CADM2: variants seen among roughly 807,000 people sequenced by gnomAD.
The protein encoded by CADM2 is immunoglobulin superfamily member 4D.
Under a neutral mutation model 49.8 loss-of-function variants are expected in CADM2, and 12 were observed. The observed-to-expected ratio is 0.24, with a 90% confidence interval of 0.15 to 0.39. The LOEUF is 0.39. Ranked by LOEUF, CADM2 falls within the 10% of genes least tolerant of loss-of-function variation. The pLI, the probability that CADM2 is intolerant of heterozygous loss-of-function variation, is 1.00. For synonymous variants in CADM2, 214 were observed against 175.4 expected (o/e 1.22, Z -1.74); for missense variants, 378 against 492.3 (o/e 0.77, Z 2.20).
chr3:84,962,124 A>G (rs977407162), intron 1 of CADM2, among the ~76,000 whole-genome samples: 1 of 150,038 alleles, frequency 6.7e-6, no homozygotes, highest in Admixed American at 6.7e-5. Context: ...ACCAGCAGCA[A>G]CACCAGCATT....
intron 1 of CADM2, among the ~76,000 whole-genome samples, chr3:85,114,273 C>T (rs1404018235): frequency 6.6e-6 from 1 of 151,790 alleles, no homozygotes; most frequent in African/African-American, 2.4e-5. Context: ...TGGGCTGAAT[C>T]GATAGGACAG....
At chr3:85,519,234 G>C (rs1450694832) in intron 1 of CADM2, among the ~76,000 whole-genome samples, 2 of 151,996 alleles carry the variant, frequency 1.3e-5, no homozygotes, top group East Asian at 3.9e-4. Context: ...CCCCGTTTTT[G>C]CCTTTCTTAG....
chr3:85,238,679 T>C (rs1204363866), intron 1 of CADM2, among the ~76,000 whole-genome samples: 1 of 151,870 alleles, frequency 6.6e-6, no homozygotes, highest in Non-Finnish European at 1.5e-5. Flanking sequence ...CTTGGAATAT[T>C]AAGATACTTT....
intron 1 of CADM2, among the ~76,000 whole-genome samples, chr3:85,272,470 A>G (rs746907685): frequency 2.0e-5 from 3 of 151,360 alleles, no homozygotes; most frequent in Admixed American, 6.6e-5. Flanking sequence ...GCACCTGTTT[A>G]TACAGTTCTA....
rs192820272 is a variant in CADM2, at chr3:85,331,607, A to T, written c.61+371939A>T. 1.3e-3 allele frequency among the ~76,000 whole-genome samples: 202 copies of T among 152,088 alleles called. 1 individual carries two copies. The highest frequency in any genetic ancestry group is 2.2e-3 in the Non-Finnish European group (149 of 67,956). The stretch of plus-strand genomic sequence containing the variant: ...AGTTTTACTTATAAGAATATTCAGT[A>T]TACTGATTTTCATCCTTTTGGGTAC... On this transcript the variant is annotated intron_variant, in intron 1 of 9. Coordinates refer to ENST00000383699, the MANE Select transcript of CADM2 (RefSeq NM_001167675.2).
At chr3:85,072,807 T>C (rs973785892) in intron 1 of CADM2, among the ~76,000 whole-genome samples, 1 of 152,094 alleles carries the variant, frequency 6.6e-6, no homozygotes, top group Non-Finnish European at 1.5e-5. Flanking sequence ...ATTTTTATCA[T>C]TTAAAATCTT....
chr3:85,855,371 C>T (rs1342535758), intron 3 of CADM2, among the ~76,000 whole-genome samples: 2 of 152,014 alleles, frequency 1.3e-5, no homozygotes, highest in Non-Finnish European at 2.9e-5. Flanking sequence ...TGTCATTACA[C>T]ACTCATGACG....
At chr3:85,788,807 T>A (rs891412314) in intron 2 of CADM2, among the ~76,000 whole-genome samples, 9 of 152,056 alleles carry the variant, frequency 5.9e-5, no homozygotes, top group African/African-American at 2.2e-4. Context: ...TATATTCACA[T>A]ATTTGAAAAA....
intron 1 of CADM2, among the ~76,000 whole-genome samples, chr3:85,077,714 GAGAT>G (rs1267469583): frequency 1.3e-5 from 2 of 152,016 alleles, no homozygotes. Flanking sequence ...AAAAGTAAAT[GAGAT>G]TATATATTTA....
chr3:85,229,817 T>C (rs578103804), intron 1 of CADM2, among the ~76,000 whole-genome samples: 1 of 152,188 alleles, frequency 6.6e-6, no homozygotes, highest in South Asian at 2.1e-4. Context: ...TTCATAGCCT[T>C]TCTTGGCTCC....
At chr3:86,048,238 A>T (rs1176009769) in intron 8 of CADM2, among the ~76,000 whole-genome samples, 2 of 152,022 alleles carry the variant, frequency 1.3e-5, no homozygotes, top group African/African-American at 4.8e-5. Flanking sequence ...TTGTTTAAAG[A>T]TTTGTACATG....
At chr3:85,122,639 TA>T (rs2038905172) in intron 1 of CADM2, among the ~76,000 whole-genome samples, 1 of 152,176 alleles carries the variant, frequency 6.6e-6, no homozygotes, top group Non-Finnish European at 1.5e-5. Flanking sequence ...CATATTCATA[TA>T]TATGTGTACA....
chr3:85,409,627 C>A (rs564979388), intron 1 of CADM2, among the ~76,000 whole-genome samples: 71 of 152,116 alleles, frequency 4.7e-4, no homozygotes, highest in Non-Finnish European at 7.8e-4. Flanking sequence ...ATTTTGAAAG[C>A]GTACTGGAGG....
chr3:85,189,342 A>G (rs2041146725), intron 1 of CADM2, among the ~76,000 whole-genome samples: 1 of 151,992 alleles, frequency 6.6e-6, no homozygotes, highest in Non-Finnish European at 1.5e-5. Context: ...TAAGTGACAA[A>G]GAGAAGGATC....
At chr3:85,674,647 T>A (rs1375943552) in intron 1 of CADM2, among the ~76,000 whole-genome samples, 1 of 152,208 alleles carries the variant, frequency 6.6e-6, no homozygotes, top group African/African-American at 2.4e-5. Flanking sequence ...TCTCATACTC[T>A]ATGACAGACA....
rs566631217 is a variant in CADM2 at position 85,941,756 on chromosome 3, T to C, written c.791+5899T>C. Among the ~76,000 whole-genome samples the C allele has an allele frequency of 3.3e-5, 5 of 152,192 alleles. No homozygotes were observed. In the East Asian group the frequency reaches 7.8e-4, roughly 24 times the overall value. ...AAAGGGACTAAGTAGTTAGCAAGTT[T>C]TGACAAAGAACAAATGCAGATCTGG... On this transcript the variant is annotated intron_variant, in intron 7 of 9. Coordinates refer to ENST00000383699, the MANE Select transcript of CADM2 (RefSeq NM_001167675.2).
At chr3:85,584,762 A>C (rs1228240740) in intron 1 of CADM2, among the ~76,000 whole-genome samples, 4 of 152,106 alleles carry the variant, frequency 2.6e-5, no homozygotes, top group Non-Finnish European at 5.9e-5. Flanking sequence ...TGCTTGTAGC[A>C]TCTGAAAGTT....
At chr3:85,438,359 T>G (rs1341806048) in intron 1 of CADM2, among the ~76,000 whole-genome samples, 1 of 96,998 alleles carries the variant, frequency 1.0e-5, no homozygotes, top group Admixed American at 1.1e-4. Context: ...CAAGTCGTGG[T>G]GTTTGAAAAA....
At chr3:85,630,173 T>A (rs2064262962) in intron 1 of CADM2, among the ~76,000 whole-genome samples, 1 of 152,050 alleles carries the variant, frequency 6.6e-6, no homozygotes, top group Non-Finnish European at 1.5e-5. Context: ...TTTTTGCCAC[T>A]CTATATTAAT....
Sources: allele counts gnomAD v4.1 joint callset (sites outside exome capture counted in the v4.1 genomes callset), GRCh38; gene constraint gnomAD v4.1.1; transcripts MANE v1.5; gene names NCBI Gene and HGNC (gene_info 2026-07-23, HGNC 2026-07-21).